KALRN: variants seen among roughly 807,000 people sequenced by gnomAD.
The protein encoded by KALRN is kalirin RhoGEF kinase.
In KALRN, 70 loss-of-function variants were observed where a neutral mutation model predicts 353.7. The observed-to-expected ratio is 0.20, with a 90% CI of 0.16 to 0.24. KALRN has a LOEUF of 0.24. Among genes scored for constraint, KALRN ranks in the 10% least tolerant of loss-of-function variants. The probability of loss-of-function intolerance (pLI) is 1.00; values close to 1 mark genes in which losing one functional copy is unlikely to be tolerated. For missense variants in KALRN, 2,791 were observed against 3,756.7 expected (o/e 0.74, Z 6.72); for synonymous variants, 1,391 against 1,434.8 (o/e 0.97, Z 0.69).
At chr3:124,638,744 C>T (rs1487397132) in intron 37 of KALRN, among the ~76,000 whole-genome samples, 2 of 130,386 alleles carry the variant, frequency 1.5e-5, no homozygotes, top group Non-Finnish European at 3.4e-5. Context: ...GCTACATAAG[C>T]AGTGGTCTCC....
intron 35 of KALRN, among the ~76,000 whole-genome samples, 167 bp downstream of exon 35, chr3:124,632,870 G>T (rs779613868): frequency 3.3e-5 from 5 of 152,140 alleles, no homozygotes; most frequent in African/African-American, 4.8e-5. Flanking sequence ...TTGATTTGTG[G>T]CTGATTCAGA....
intron 5 of KALRN, among the ~76,000 whole-genome samples, chr3:124,277,523 G>A (rs2074879218): frequency 6.6e-6 from 1 of 152,152 alleles, no homozygotes; most frequent in South Asian, 2.1e-4. Flanking sequence ...AGAAACATTA[G>A]ATTCCAAAAA....
chr3:124,422,064 T>A (rs9844624), intron 14 of KALRN, among the ~76,000 whole-genome samples: 3,968 of 152,268 alleles, frequency 0.026, 180 homozygotes, highest in African/African-American at 0.089. Context: ...TAGAAAAACA[T>A]TGAGCAAACT....
rs560277997 is a variant in KALRN at position 124,048,374 on chromosome 3, CT to C, written c.73+14568del. ...TATACATCTTTATACAAATGGATAG[CT>C]TTTTTTCATTTAACAAAAAGAGGAT... On this transcript the variant is annotated intron_variant, in intron 1 of 59. Transcript: ENST00000682506. 5.0e-3 allele frequency among the ~76,000 whole-genome samples: 768 copies of C among 152,178 alleles called. 4 individuals carry two copies. The highest frequency in any genetic ancestry group is 9.0e-3 in the Non-Finnish European group (609 of 68,010).
At chr3:124,136,957 C>G (rs1328867912) in intron 1 of KALRN, among the ~76,000 whole-genome samples, 3 of 152,042 alleles carry the variant, frequency 2.0e-5, no homozygotes, top group Admixed American at 6.6e-5. Context: ...CCTGAGCAGA[C>G]CCGGATGATT....
At chr3:124,117,101 A>G (rs2063523704) in intron 1 of KALRN, among the ~76,000 whole-genome samples, 1 of 152,188 alleles carries the variant, frequency 6.6e-6, no homozygotes, top group South Asian at 2.1e-4. Flanking sequence ...TGTATCCTCC[A>G]GCCCCTAGCC....
chr3:124,042,853 A>G (rs1427569938), intron 1 of KALRN, among the ~76,000 whole-genome samples: 1 of 152,218 alleles, frequency 6.6e-6, no homozygotes, highest in Admixed American at 6.5e-5. Flanking sequence ...ATCTGGAAAT[A>G]TAGATTTGGG....
intron 15 of KALRN, among the ~76,000 whole-genome samples, chr3:124,428,881 C>T (rs1224578764): frequency 6.6e-6 from 1 of 152,124 alleles, no homozygotes; most frequent in East Asian, 1.9e-4. Flanking sequence ...CAAAGGGAGT[C>T]AAATTGTCCT....
intron 6 of KALRN, among the ~76,000 whole-genome samples, chr3:124,305,028 C>A (rs1242763592): frequency 6.6e-6 from 1 of 152,180 alleles, no homozygotes; most frequent in East Asian, 1.9e-4. Flanking sequence ...GCCAAGAAGA[C>A]CTGAGGCTAT....
chr3:124,650,504 C>T (rs1017511523), intron 37 of KALRN, among the ~76,000 whole-genome samples: 7 of 152,164 alleles, frequency 4.6e-5, no homozygotes, highest in Admixed American at 1.3e-4. Context: ...TATAGAATTG[C>T]GATCGTTAGC....
At chr3:124,215,267 C>T (rs2077222322) in intron 1 of KALRN, among the ~76,000 whole-genome samples, 2 of 152,258 alleles carry the variant, frequency 1.3e-5, no homozygotes, top group East Asian at 3.9e-4. Flanking sequence ...AGTTGTAGTA[C>T]TCGCCGAATA....
intron 1 of KALRN, among the ~76,000 whole-genome samples, chr3:124,068,757 GA>G (rs1285964630): frequency 6.6e-6 from 1 of 152,076 alleles, no homozygotes; most frequent in African/African-American, 2.4e-5. Context: ...AAGCACTGGG[GA>G]CATATCAGTT....
intron 25 of KALRN, 64 bp from the exon 26 acceptor site, chr3:124,474,599 G>C: frequency 7.6e-7 from 1 of 1,318,360 alleles, no homozygotes; most frequent in Non-Finnish European, 1.1e-6. Flanking sequence ...GCTGGCCTCA[G>C]TGCAATCCTC....
chr3:124,299,005 GA>G, intron 6 of KALRN, 92 bp downstream of exon 6: 1 of 1,507,196 alleles, frequency 6.6e-7, no homozygotes, highest in Non-Finnish European at 9.2e-7. Context: ...TCCACCCGAG[GA>G]AGAACTGTGA....
intron 33 of KALRN, among the ~76,000 whole-genome samples, chr3:124,534,611 T>G (rs2068354791): frequency 1.3e-5 from 2 of 152,032 alleles, no homozygotes; most frequent in Non-Finnish European, 2.9e-5. Flanking sequence ...ATTGATGGAT[T>G]GGGAGAAAGT....
chr3:124,220,162 C>T (rs2077732041), intron 1 of KALRN, among the ~76,000 whole-genome samples: 1 of 152,074 alleles, frequency 6.6e-6, no homozygotes, highest in Non-Finnish European at 1.5e-5. Flanking sequence ...CCAGGCTGGT[C>T]TCGAACACCT....
At chr3:124,706,971 A>G (rs1351678979) in intron 57 of KALRN, among the ~76,000 whole-genome samples, 1 of 152,142 alleles carries the variant, frequency 6.6e-6, no homozygotes, top group Non-Finnish European at 1.5e-5. Context: ...ACTGATTACA[A>G]CCAGAATCCC....
intron 11 of KALRN, among the ~76,000 whole-genome samples, chr3:124,385,350 G>A (rs952072623): frequency 6.6e-6 from 1 of 152,150 alleles, no homozygotes; most frequent in African/African-American, 2.4e-5. Flanking sequence ...GTCACTGCAA[G>A]AAGAAATGTA....
chr3:124,044,895 T>G, intron 1 of KALRN, among the ~76,000 whole-genome samples: 1 of 25,650 alleles, frequency 3.9e-5, no homozygotes. Context: ...CCTTCCTTCC[T>G]TCCTTCCTTC....
Sources: gnomAD v4.1 joint callset for allele counts (sites outside exome capture counted in the v4.1 genomes callset) on GRCh38, gnomAD v4.1.1 for gene constraint, MANE v1.5 for transcripts, NCBI Gene and HGNC (gene_info 2026-07-23, HGNC 2026-07-21) for gene names.